AOAH: variants seen among roughly 807,000 people sequenced by gnomAD.
AOAH encodes the protein acyloxyacyl hydrolase, also known as acyloxyacyl hydrolase (neutrophil).
In AOAH, 64 loss-of-function variants were observed where a neutral mutation model predicts 92.2. The observed-to-expected ratio is 0.69, with a 90% CI of 0.57 to 0.86. AOAH has a LOEUF of 0.86. AOAH is among the 40% of genes least tolerant of loss of function. The pLI is 0.00. For synonymous variants in AOAH, 263 were observed against 254.5 expected (o/e 1.03, Z -0.32); for missense variants, 656 against 694.6 (o/e 0.94, Z 0.62).
chr7:36,692,853 G>A (rs975738266), intron 1 of AOAH, among the ~76,000 whole-genome samples: 2 of 152,196 alleles, frequency 1.3e-5, no homozygotes, highest in Non-Finnish European at 2.9e-5. Flanking sequence ...TGTGATAGAG[G>A]AACCTGGTAG....
At chr7:36,659,755 CTTTTTT>C (rs112482487) in intron 3 of AOAH, among the ~76,000 whole-genome samples, 21 of 127,958 alleles carry the variant, frequency 1.6e-4, no homozygotes, top group South Asian at 7.4e-4. Flanking sequence ...TTTTTTCTTT[CTTTTTT>C]TTTTTTTTTT....
At chr7:36,563,007 C>A (rs1240958149) in intron 13 of AOAH, among the ~76,000 whole-genome samples, 1 of 151,586 alleles carries the variant, frequency 6.6e-6, no homozygotes, top group African/African-American at 2.4e-5. Flanking sequence ...ATTAGCCAGG[C>A]GTGGTGGCAG....
intron 20 of AOAH, among the ~76,000 whole-genome samples, chr7:36,517,149 C>G (rs567853882): frequency 2.0e-5 from 2 of 99,972 alleles, no homozygotes; most frequent in South Asian, 6.2e-4. Context: ...TCTCTTTATC[C>G]ATGTTAGTCT....
chr7:36,545,357 T>C (rs1031014677), intron 15 of AOAH, among the ~76,000 whole-genome samples: 3 of 152,250 alleles, frequency 2.0e-5, no homozygotes, highest in Non-Finnish European at 4.4e-5. Flanking sequence ...CTGAAGAGTC[T>C]GGGAGAGAGA....
chr7:36,653,518 G>C (rs908278786), intron 4 of AOAH, among the ~76,000 whole-genome samples: 1 of 152,162 alleles, frequency 6.6e-6, no homozygotes, highest in African/African-American at 2.4e-5. Flanking sequence ...AGGGAAATAT[G>C]ATTCCCTGTG....
chr7:36,528,773 T>C (rs1368008267), intron 19 of AOAH, among the ~76,000 whole-genome samples: 2 of 152,166 alleles, frequency 1.3e-5, no homozygotes, highest in African/African-American at 2.4e-5. Context: ...TAAAAAAAGA[T>C]GTTTTGTTTT....
chr7:36,591,094 A>C (rs1222102277), intron 12 of AOAH, among the ~76,000 whole-genome samples: 1 of 151,368 alleles, frequency 6.6e-6, no homozygotes, highest in African/African-American at 2.4e-5. Context: ...CAAACAGAGA[A>C]TTTCCTTTTC....
At chr7:36,609,256 C>T (rs1313802532) in intron 11 of AOAH, among the ~76,000 whole-genome samples, 3 of 152,196 alleles carry the variant, frequency 2.0e-5, no homozygotes, top group Non-Finnish European at 4.4e-5. Flanking sequence ...ACTGGAATTA[C>T]AACTAGAATT....
intron 11 of AOAH, among the ~76,000 whole-genome samples, chr7:36,611,467 C>T (rs1332160656): frequency 2.0e-5 from 3 of 152,190 alleles, no homozygotes; most frequent in African/African-American, 7.2e-5. Context: ...TTGCTGCAAA[C>T]AGCAGATGAA....
At chr7:36,558,403 G>A (rs1266543514) in intron 13 of AOAH, among the ~76,000 whole-genome samples, 8 of 152,224 alleles carry the variant, frequency 5.3e-5, no homozygotes, top group Admixed American at 2.6e-4. Flanking sequence ...CTACTGGGGG[G>A]TGCCTCCCAG....
intron 20 of AOAH, among the ~76,000 whole-genome samples, chr7:36,517,156 G>GTCCTTTCTT (rs1783770966): frequency 2.1e-5 from 2 of 95,500 alleles, no homozygotes; most frequent in South Asian, 7.5e-4. Flanking sequence ...ATCCATGTTA[G>GTCCTTTCTT]TCTTTCTTTC....
At chr7:36,675,404 A>G (rs1796191315) in intron 2 of AOAH, among the ~76,000 whole-genome samples, 1 of 152,236 alleles carries the variant, frequency 6.6e-6, no homozygotes. Flanking sequence ...TAGATAAAAT[A>G]AAAAATTCTT....
chr7:36,547,144 T>A (rs567399437), intron 15 of AOAH, among the ~76,000 whole-genome samples: 75 of 152,054 alleles, frequency 4.9e-4, no homozygotes, highest in Non-Finnish European at 7.1e-4. Flanking sequence ...TGACATAGAG[T>A]GATGTACCTC....
intron 1 of AOAH, among the ~76,000 whole-genome samples, chr7:36,701,135 T>C (rs1425784624): frequency 1.3e-5 from 2 of 151,990 alleles, no homozygotes; most frequent in Non-Finnish European, 2.9e-5. Context: ...CTTTTTTCTA[T>C]TGTTGATTTC....
rs528069468 is a variant in AOAH at position 36,563,351 on chromosome 7, T to C, written c.1021+13223A>G. Among the ~76,000 whole-genome samples the C allele has an allele frequency of 2.0e-5, 3 of 152,100 alleles. No homozygotes were observed. The South Asian group carries it at 6.2e-4, about 32-fold the overall frequency. ...TCTAGAGTGAGAACTAGAGGGTTTC[T>C]TCTTGAAGTGACCTGTCTGTGCTGC... On this transcript the variant is annotated intron_variant, in intron 13 of 20. Coordinates refer to ENST00000617537, the MANE Select transcript of AOAH (RefSeq NM_001637.4).
intron 1 of AOAH, among the ~76,000 whole-genome samples, chr7:36,706,737 C>A (rs1414267798): frequency 6.6e-6 from 1 of 152,188 alleles, no homozygotes; most frequent in Non-Finnish European, 1.5e-5. Context: ...GTAGCTTCTA[C>A]ATCAGCATGT....
At chr7:36,692,129 A>T (rs1797438510) in intron 1 of AOAH, among the ~76,000 whole-genome samples, 1 of 152,200 alleles carries the variant, frequency 6.6e-6, no homozygotes, top group African/African-American at 2.4e-5. Flanking sequence ...GTAATACAGC[A>T]AAGGCTATCT....
At chr7:36,573,879 A>G (rs1340603344) in intron 13 of AOAH, among the ~76,000 whole-genome samples, 1 of 152,088 alleles carries the variant, frequency 6.6e-6, no homozygotes, top group African/African-American at 2.4e-5. Context: ...ATTCTATTCA[A>G]CTCTTCCCTT....
chr7:36,577,235 T>A (rs915777063), intron 12 of AOAH, among the ~76,000 whole-genome samples: 2 of 152,156 alleles, frequency 1.3e-5, no homozygotes, highest in Admixed American at 1.3e-4. Flanking sequence ...CTGGGTGAGA[T>A]GAGATGGGAT....
Sources: gnomAD v4.1 joint callset for allele counts (sites outside exome capture counted in the v4.1 genomes callset) on GRCh38, gnomAD v4.1.1 for gene constraint, MANE v1.5 for transcripts, NCBI Gene and HGNC (gene_info 2026-07-23, HGNC 2026-07-21) for gene names.